Variants in CRKL observed in about 807,000 individuals in gnomAD.
The protein encoded by CRKL is CRK like proto-oncogene, adaptor protein, also known as crk-like protein.
Under a neutral mutation model 23.0 loss-of-function variants are expected in CRKL, and 3 were observed. The ratio of observed to expected loss-of-function variants is 0.13; its 90% CI spans 0.06 to 0.34. CRKL has a LOEUF of 0.34. Among genes scored for constraint, CRKL ranks in the 10% least tolerant of loss-of-function variants. The pLI, the probability that CRKL is intolerant of heterozygous loss-of-function variation, is 1.00. For synonymous variants in CRKL, 188 were observed against 160.7 expected (o/e 1.17, Z -1.28); for missense variants, 256 against 394.5 (o/e 0.65, Z 2.97).
intron 2 of CRKL, among the ~76,000 whole-genome samples, chr22:20,936,878 C>T (rs73162891): frequency 0.12 from 16,889 of 142,362 alleles, 956 homozygotes; most frequent in African/African-American, 0.14. Context: ...TTTTTTTTTT[C>T]GAGATGGAGT....
rs1284799603 is a variant in CRKL at position 20,917,661 on chromosome 22, C to A, written c.-274C>A. The A allele has an allele frequency of 1.3e-5, 6 of 474,036 alleles. No individual in the cohort carries two copies. The highest frequency in any genetic ancestry group is 3.9e-5 in the Admixed American group (1 of 25,352). 29.4% of individuals were successfully genotyped at this position (474,036 alleles called of 1,614,324 possible). On this transcript the variant is annotated 5_prime_UTR_variant, in exon 1 of 3. Coordinates refer to ENST00000354336, the MANE Select transcript of CRKL (RefSeq NM_005207.4). ...AGCCCGAGAACCCCGGGGTGGCCTC[C>A]GCTGCGGCTCGGGTTTGCCTGCCCC... is the stretch of plus-strand genomic sequence containing the variant.
At chr22:20,936,403 C>CA (rs1280348016) in intron 2 of CRKL, among the ~76,000 whole-genome samples, 2 of 152,166 alleles carry the variant, frequency 1.3e-5, no homozygotes, top group African/African-American at 4.8e-5. Flanking sequence ...GGCTGGAGTG[C>CA]AATGGCACGA....
rs1313858518 is a variant in CRKL at position 20,953,039 on chromosome 22, C to G, written c.*3194C>G. ...ACAGCTGTTTACAGACAAGGCAGGC[C>G]TGAGGCAGATGGCCACTGCTCTTGT... On this transcript the variant is annotated 3_prime_UTR_variant, in exon 3 of 3. Transcript: ENST00000354336. The G allele has an allele frequency of 8.6e-6, 2 of 232,212 alleles. No homozygotes were observed. Among genetic ancestry groups the G allele is most frequent in the African/African-American group, 4.4e-5 (2 of 45,218 alleles). 14.4% of individuals were successfully genotyped at this position (232,212 alleles called of 1,614,324 possible).
rs1555918902 is a variant in CRKL at position 20,927,128 on chromosome 22, A to AAAAAAAAAAAAAAG, written c.312-6643_312-6642insAAAAAGAAAAAAAA. On this transcript the variant is annotated intron_variant, in intron 1 of 2. Transcript: ENST00000354336. ...CTCCGTCTCAAAAAAAAAAAAAAAAAAAAAAAAAGAATGGTGGTTAAAGCA... is the reference window on the plus strand; with the variant it reads ...CTCCGTCTCAAAAAAAAAAAAAAAAAAAAAAAAAAAAAAGAAAAAAAAGAATGGTGGTTAAAGCA... 8.7e-5 allele frequency among the ~76,000 whole-genome samples: 11 copies of AAAAAAAAAAAAAAG among 125,814 alleles called. 1 individual carries two copies. Among genetic ancestry groups the AAAAAAAAAAAAAAG allele is most frequent in the African/African-American group, 2.9e-4 (10 of 33,978 alleles). The allele number at this position is 125,814 out of a possible 152,430, so 82.5% of individuals were successfully genotyped here.
At chr22:20,921,435 A>ACTTT (rs780307557) in intron 1 of CRKL, among the ~76,000 whole-genome samples, 6 of 151,742 alleles carry the variant, frequency 4.0e-5, no homozygotes, top group Non-Finnish European at 7.4e-5. Context: ...TGACAGACAT[A>ACTTT]CTTTCTTCCT....
chr22:20,936,655 A>C (rs989064816), intron 2 of CRKL, among the ~76,000 whole-genome samples: 2 of 151,554 alleles, frequency 1.3e-5, no homozygotes, highest in Non-Finnish European at 2.9e-5. Context: ...CTGGCCCTCA[A>C]GTTTTTCTTT....
At chr22:20,942,147 C>G (rs1192826382) in intron 2 of CRKL, among the ~76,000 whole-genome samples, 2 of 152,194 alleles carry the variant, frequency 1.3e-5, no homozygotes, top group African/African-American at 2.4e-5. Context: ...CCTATTCTAC[C>G]TACCTGATAT....
rs149226907 is a variant in CRKL at position 20,949,743 on chromosome 22, T to C, written c.810T>C (p.Asn270=). Residue 270 remains asparagine, a synonymous_variant, in exon 3 of 3, where the codon AAT becomes AAC. Transcript: ENST00000354336. Reference sequence around the variant, plus strand: ...ACATCGTGAAAGTCACAAGGATGAATATAAATGGCCAGTGGGAAGGCGAAG... The same window carrying C: ...ACATCGTGAAAGTCACAAGGATGAACATAAATGGCCAGTGGGAAGGCGAAG... ...VGDIVKVTRM[N]INGQWEGEVN... The C allele has an allele frequency of 1.1e-4, 174 of 1,613,292 alleles. No individual in the cohort carries two copies. The highest frequency in any genetic ancestry group is 1.4e-4 in the Non-Finnish European group (162 of 1,179,764).
At position 20,950,165 on chromosome 22, in the gene CRKL, C is replaced by T; in HGVS notation, c.*320C>T. The T allele has an allele frequency of 3.0e-6, 1 of 332,126 alleles. No individual in the cohort carries two copies. Among genetic ancestry groups the T allele is most frequent in the East Asian group, 5.4e-5 (1 of 18,566 alleles). The allele number at this position is 332,126 out of a possible 1,614,324, so 20.6% of individuals were successfully genotyped here. A position where few individuals can be genotyped will look rare whatever the true frequency, so the allele number is the denominator to read the frequency against. On this transcript the variant is annotated 3_prime_UTR_variant, in exon 3 of 3. Transcript: ENST00000354336. ...CATTGCTGCCCGTTTGTACATGGGACTGATTCTGTTGTGTTCACCAGAGAA... is the reference window on the plus strand; with the variant it reads ...CATTGCTGCCCGTTTGTACATGGGATTGATTCTGTTGTGTTCACCAGAGAA...
At chr22:20,944,544 A>G (rs375665828) in intron 2 of CRKL, among the ~76,000 whole-genome samples, 255 of 152,130 alleles carry the variant, frequency 1.7e-3, no homozygotes, top group African/African-American at 5.6e-3. Flanking sequence ...AGCTGGGACT[A>G]CAGACATGCG....
At chr22:20,948,210 A>G (rs891340379) in intron 2 of CRKL, among the ~76,000 whole-genome samples, 8 of 152,192 alleles carry the variant, frequency 5.3e-5, no homozygotes, top group African/African-American at 1.9e-4. Context: ...TGTTCTTGGC[A>G]GCTTTCAATC....
chr22:20,946,504 A>G (rs909850332), intron 2 of CRKL, among the ~76,000 whole-genome samples: 18 of 152,148 alleles, frequency 1.2e-4, no homozygotes, highest in African/African-American at 4.1e-4. Flanking sequence ...GGCCTGTTCC[A>G]TAGAGTGAAA....
chr22:20,922,214 G>A (rs1373206927), intron 1 of CRKL, among the ~76,000 whole-genome samples: 1 of 151,678 alleles, frequency 6.6e-6, no homozygotes, highest in Non-Finnish European at 1.5e-5. Flanking sequence ...GTAGAGACAA[G>A]GTTTCACCAT....
At chr22:20,939,255 T>A (rs1921774646) in intron 2 of CRKL, among the ~76,000 whole-genome samples, 1 of 142,002 alleles carries the variant, frequency 7.0e-6, no homozygotes, top group Non-Finnish European at 1.5e-5. Flanking sequence ...TTTTTTTTTT[T>A]TTTGAGACAG....
At position 20,951,196 on chromosome 22, in the gene CRKL, C is replaced by T. The variant is rs770494981; in HGVS notation, c.*1351C>T. ...CTCCACTCACTGAAGCCCAGACCTC[C>T]GTGCCCAGGCCCAATCTCGTCAGGC... On this transcript the variant is annotated 3_prime_UTR_variant, in exon 3 of 3. Transcript: ENST00000354336. 1.2e-4 allele frequency: 29 copies of T among 232,350 alleles called. No homozygotes were observed. Among genetic ancestry groups the T allele is most frequent in the Non-Finnish European group, 2.0e-4 (23 of 117,578 alleles). 14.4% of individuals were successfully genotyped at this position (232,350 alleles called of 1,614,324 possible). A position where few individuals can be genotyped will look rare whatever the true frequency, so the allele number is the denominator to read the frequency against.
In CRKL at chr22:20,950,917, G is replaced by A. The variant is rs1435984652; in HGVS notation, c.*1072G>A. ...TGTAGCAGACAACACACAAAATAAT[G>A]CAGTTGTGGTGTGCCATGCTATGTG... On this transcript the variant is annotated 3_prime_UTR_variant, in exon 3 of 3. Transcript: ENST00000354336. 1 of 232,060 alleles carries A rather than the reference G, an allele frequency of 4.3e-6. No homozygotes were observed. Among genetic ancestry groups the A allele is most frequent in the Non-Finnish European group, 8.5e-6 (1 of 117,372 alleles). 14.4% of individuals were successfully genotyped at this position (232,060 alleles called of 1,614,324 possible). A position where few individuals can be genotyped will look rare whatever the true frequency, so the allele number is the denominator to read the frequency against.
At chr22:20,940,566 CTTTTT>C (rs55853175) in intron 2 of CRKL, among the ~76,000 whole-genome samples, 9 of 134,920 alleles carry the variant, frequency 6.7e-5, no homozygotes, top group Admixed American at 5.8e-4. Flanking sequence ...TTTGGTGCTC[CTTTTT>C]TTTTTTTTTT....
At position 20,952,467 on chromosome 22, in the gene CRKL, TAGTAAA is replaced by T. The variant is rs1006097988; in HGVS notation, c.*2624_*2629del. The T allele has an allele frequency of 3.9e-5, 9 of 230,538 alleles. No individual in the cohort carries two copies. The allele number at this position is 230,538 out of a possible 1,614,324, so 14.3% of individuals were successfully genotyped here. A position where few individuals can be genotyped will look rare whatever the true frequency, so the allele number is the denominator to read the frequency against. On this transcript the variant is annotated 3_prime_UTR_variant, in exon 3 of 3. Coordinates refer to ENST00000354336, the MANE Select transcript of CRKL (RefSeq NM_005207.4). ...CTGCACTCCAGATATGTGCCAAAAC[TAGTAAA>T]ACTTAACGGACTTACAACCTTGTCA...
At chr22:20,949,104 C>G (rs1428212356) in intron 2 of CRKL, among the ~76,000 whole-genome samples, 2 of 151,988 alleles carry the variant, frequency 1.3e-5, no homozygotes, top group Non-Finnish European at 2.9e-5. Flanking sequence ...TGCTCAAAAG[C>G]TGTTTCTGTG....
Sources: gnomAD v4.1 joint callset for allele counts (sites outside exome capture counted in the v4.1 genomes callset) on GRCh38, gnomAD v4.1.1 for gene constraint, MANE v1.5 for transcripts, NCBI Gene and HGNC (gene_info 2026-07-23, HGNC 2026-07-21) for gene names.